KCTD8: variants seen among roughly 807,000 people sequenced by gnomAD.
KCTD8 encodes BTB/POZ domain-containing protein KCTD8.
KCTD8 carries 27 observed loss-of-function variants against 31.5 expected under a neutral mutation model. The ratio of observed to expected loss-of-function variants is 0.86; its 90% CI spans 0.63 to 1.18. KCTD8 has a LOEUF of 1.18. KCTD8 is among the 50% of genes most tolerant of loss of function. KCTD8 has a pLI of 0.00. For synonymous variants in KCTD8, 290 were observed against 280.0 expected (o/e 1.04, Z -0.36); for missense variants, 658 against 647.7 (o/e 1.02, Z -0.17).
At chr4:44,307,965 G>A (rs1469063330) in intron 1 of KCTD8, among the ~76,000 whole-genome samples, 1 of 151,930 alleles carries the variant, frequency 6.6e-6, no homozygotes, top group African/African-American at 2.4e-5. Flanking sequence ...ATCACCTCTG[G>A]AAGTTGCTTA....
At chr4:44,307,808 C>T (rs777854863) in intron 1 of KCTD8, among the ~76,000 whole-genome samples, 22 of 151,790 alleles carry the variant, frequency 1.4e-4, no homozygotes, top group Non-Finnish European at 2.1e-4. Flanking sequence ...ACTCTTTTTC[C>T]GCAAAATGCA....
At chr4:44,318,392 G>C (rs1577613107) in intron 1 of KCTD8, among the ~76,000 whole-genome samples, 1 of 152,084 alleles carries the variant, frequency 6.6e-6, no homozygotes, top group East Asian at 1.9e-4. Context: ...TACAATGCCT[G>C]GCTTGTTTTT....
chr4:44,256,626 A>G (rs976868447), intron 1 of KCTD8, among the ~76,000 whole-genome samples: 8 of 151,888 alleles, frequency 5.3e-5, no homozygotes, highest in African/African-American at 1.9e-4. Context: ...AAGATGGGGT[A>G]CTTATCCTGT....
At chr4:44,256,446 G>A (rs902239416) in intron 1 of KCTD8, among the ~76,000 whole-genome samples, 1 of 151,808 alleles carries the variant, frequency 6.6e-6, no homozygotes, top group African/African-American at 2.4e-5. Context: ...TAGATACTTC[G>A]AGAAAAAAGA....
intron 1 of KCTD8, among the ~76,000 whole-genome samples, chr4:44,359,731 T>C (rs1296019667): frequency 6.6e-6 from 1 of 152,162 alleles, no homozygotes. Flanking sequence ...TAAGCTTAGA[T>C]AAAACTTCTA....
intron 1 of KCTD8, among the ~76,000 whole-genome samples, chr4:44,243,229 G>A (rs1452694413): frequency 6.6e-6 from 1 of 152,198 alleles, no homozygotes; most frequent in African/African-American, 2.4e-5. Context: ...ATGGAGATAT[G>A]CTAAAACAGT....
At chr4:44,220,996 G>C (rs1029849085) in intron 1 of KCTD8, among the ~76,000 whole-genome samples, 10 of 152,204 alleles carry the variant, frequency 6.6e-5, no homozygotes, top group African/African-American at 2.4e-4. Context: ...CCATCATCCT[G>C]ATATGAGGTC....
At chr4:44,427,554 T>C (rs1721378752) in intron 1 of KCTD8, among the ~76,000 whole-genome samples, 2 of 151,664 alleles carry the variant, frequency 1.3e-5, no homozygotes, top group Admixed American at 1.3e-4. Context: ...TGAAGATCTC[T>C]CTGCACCAGA....
chr4:44,422,952 C>T (rs758774606), intron 1 of KCTD8, among the ~76,000 whole-genome samples: 8 of 151,994 alleles, frequency 5.3e-5, no homozygotes, highest in Non-Finnish European at 8.8e-5. Context: ...AAGAGACTGA[C>T]CCTCCCAAAA....
chr4:44,272,330 C>CA (rs1716637182), intron 1 of KCTD8, among the ~76,000 whole-genome samples: 2 of 151,122 alleles, frequency 1.3e-5, no homozygotes, highest in African/African-American at 4.9e-5. Flanking sequence ...AACAAATAAG[C>CA]AAAAAAATTT....
chr4:44,214,575 T>C (rs1247878169), intron 1 of KCTD8, among the ~76,000 whole-genome samples: 1 of 152,152 alleles, frequency 6.6e-6, no homozygotes, highest in Non-Finnish European at 1.5e-5. Context: ...AACCCAGAGA[T>C]AAAATGAAAC....
At position 44,384,622 on chromosome 4, in the gene KCTD8, G is replaced by C. The variant is rs567229123; in HGVS notation, c.961+62941C>G. Among the ~76,000 whole-genome samples the C allele has an allele frequency of 2.0e-5, 3 of 151,912 alleles. No homozygotes were observed. In the East Asian group the frequency reaches 5.8e-4, roughly 30 times the overall value. On this transcript the variant is annotated intron_variant, in intron 1 of 1. Transcript: ENST00000360029. ...AGTTGAATAGCGGTTCCTAGAAGCA[G>C]AGAAGGGTGTGAATGGGAATAGGAA...
intron 1 of KCTD8, among the ~76,000 whole-genome samples, chr4:44,179,045 G>C (rs1037583706): frequency 6.6e-6 from 1 of 152,166 alleles, no homozygotes. Context: ...AAAAGATGCA[G>C]AGAAAAGATT....
intron 1 of KCTD8, among the ~76,000 whole-genome samples, chr4:44,269,976 A>T (rs538743986): frequency 6.6e-6 from 1 of 152,298 alleles, no homozygotes; most frequent in East Asian, 1.9e-4. Context: ...TGTGGAAGTC[A>T]GTGTGGTGAT....
intron 1 of KCTD8, among the ~76,000 whole-genome samples, chr4:44,422,390 C>T (rs186239810): frequency 3.3e-5 from 5 of 152,080 alleles, no homozygotes; most frequent in East Asian, 3.9e-4. Context: ...GGAGACAGAA[C>T]TAACATCCAT....
chr4:44,395,299 T>C (rs1271051197), intron 1 of KCTD8, among the ~76,000 whole-genome samples: 1 of 152,038 alleles, frequency 6.6e-6, no homozygotes, highest in Non-Finnish European at 1.5e-5. Flanking sequence ...CAGGAAGCAG[T>C]TTCACATGAT....
intron 1 of KCTD8, among the ~76,000 whole-genome samples, chr4:44,214,630 A>C (rs149618532): frequency 6.6e-6 from 1 of 152,328 alleles, no homozygotes; most frequent in Admixed American, 6.5e-5. Flanking sequence ...ATGGTGAAAG[A>C]GATCTGACCT....
intron 1 of KCTD8, among the ~76,000 whole-genome samples, chr4:44,191,012 G>A (rs1247281792): frequency 6.6e-6 from 1 of 152,190 alleles, no homozygotes. Context: ...TAATGCTGTT[G>A]TGGGAAGTCA....
At chr4:44,210,073 T>C (rs1209100400) in intron 1 of KCTD8, among the ~76,000 whole-genome samples, 1 of 152,162 alleles carries the variant, frequency 6.6e-6, no homozygotes, top group Non-Finnish European at 1.5e-5. Flanking sequence ...TGAATTCAGT[T>C]TGAGATCTTC....
Sources: allele counts gnomAD v4.1 joint callset (sites outside exome capture counted in the v4.1 genomes callset), GRCh38; gene constraint gnomAD v4.1.1; transcripts MANE v1.5; gene names NCBI Gene and HGNC (gene_info 2026-07-23, HGNC 2026-07-21).